The following GALNS variants were observed in gnomAD, a reference collection of about 807,000 sequenced individuals.
The protein encoded by GALNS is galactosamine (N-acetyl)-6-sulfatase.
In GALNS, 65 loss-of-function variants were observed where a neutral mutation model predicts 65.9. The observed-to-expected ratio is 0.99, with a 90% CI of 0.81 to 1.21. GALNS has a LOEUF of 1.21. Ranked by LOEUF, GALNS falls within the 50% of genes most tolerant of loss-of-function variation. The pLI is 0.00. For synonymous variants in GALNS, 346 were observed against 288.9 expected (o/e 1.20, Z -2.00); for missense variants, 776 against 700.7 (o/e 1.11, Z -1.21).
chr16:88,816,703 T>C, intron 13 of GALNS: 1 of 985,430 alleles, frequency 1.0e-6, no homozygotes, highest in Non-Finnish European at 1.2e-6. Context: ...GCTCCCTGGC[T>C]GTTCAGAGCC....
At chr16:88,854,010 T>A (rs1967636419) in intron 1 of GALNS, among the ~76,000 whole-genome samples, 1 of 152,172 alleles carries the variant, frequency 6.6e-6, no homozygotes, top group Admixed American at 6.5e-5. Flanking sequence ...GACAACCCTT[T>A]TCTGAAACTG....
At position 88,818,129 on chromosome 16, in the gene GALNS, G is replaced by A; in HGVS notation, c.1365-5C>T. On this transcript the variant is annotated splice_polypyrimidine_tract_variant and splice_region_variant and intron_variant, in intron 12 of 13. Transcript: ENST00000268695. The stretch of plus-strand genomic sequence containing the variant: ...TGGTACTCGGCGCTGGCAAAGCTGG[G>A]GACAGAGAGCTCTGGTCACACGGCT... 6.4e-7 allele frequency: 1 copy of A among 1,570,946 alleles called. No individual in the cohort carries two copies. The highest frequency in any genetic ancestry group is 1.2e-5 in the South Asian group (1 of 86,476).
At chr16:88,851,390 G>A (rs147668693) in intron 1 of GALNS, among the ~76,000 whole-genome samples, 4,796 of 152,174 alleles carry the variant, frequency 0.032, 101 homozygotes, top group Non-Finnish European at 0.052. Context: ...TGGGGATTCC[G>A]TTCCAACATG....
At chr16:88,839,649 G>A (rs1423272590) in intron 4 of GALNS, among the ~76,000 whole-genome samples, 2 of 152,226 alleles carry the variant, frequency 1.3e-5, no homozygotes, top group African/African-American at 4.8e-5. Flanking sequence ...CCCCCCACCT[G>A]ACTGAGCAGC....
chr16:88,829,332 C>G (rs71395331), intron 9 of GALNS, among the ~76,000 whole-genome samples: 5,550 of 152,292 alleles, frequency 0.036, 130 homozygotes, highest in Middle Eastern at 0.051. Flanking sequence ...TGCATTCTGT[C>G]CTAGGGGCAC....
intron 8 of GALNS, among the ~76,000 whole-genome samples, chr16:88,832,388 G>A (rs1311053729): frequency 6.6e-6 from 1 of 152,208 alleles, no homozygotes; most frequent in Non-Finnish European, 1.5e-5. Context: ...CCGCAGCAGA[G>A]GCCCTGGGTG....
chr16:88,837,656 T>C lies in GALNS; in HGVS notation c.532A>G (p.Ile178Val). 3.7e-6 allele frequency: 6 copies of C among 1,613,870 alleles called. No homozygotes were observed. Among genetic ancestry groups the C allele is most frequent in the African/African-American group, 1.3e-5 (1 of 75,020 alleles). ...ATCTCCCAGTCCCTGTACACAGGGA[T>C]GTTGGGCCTGGCCTTGTTGTCATAA... ...GPYDNKARPNIPVYRDWEMVG... is the reference protein window; with the variant it reads ...GPYDNKARPNVPVYRDWEMVG... The change falls in exon 5 of 14, where the codon ATC becomes GTC. Residue 178 changes from isoleucine to valine, a missense_variant. Coordinates refer to ENST00000268695, the MANE Select transcript of GALNS (RefSeq NM_000512.5).
In GALNS at chr16:88,840,841, C is replaced by T. The variant is rs371979562; in HGVS notation, c.422+151G>A. On this transcript the variant is annotated intron_variant, in intron 4 of 13. Coordinates refer to ENST00000268695, the MANE Select transcript of GALNS (RefSeq NM_000512.5). Reference sequence around the variant, plus strand: ...AAGGTCACGCTGGCCTGCACAGGGACGCTGGAGACACCTGAACACACCCAG... The same window carrying T: ...AAGGTCACGCTGGCCTGCACAGGGATGCTGGAGACACCTGAACACACCCAG... 108 of 707,064 alleles carry T rather than the reference C, an allele frequency of 1.5e-4. 1 individual carries two copies. Among genetic ancestry groups the T allele is most frequent in the East Asian group, 2.7e-4 (10 of 36,990 alleles). The allele number at this position is 707,064 out of a possible 1,614,324, so 43.8% of individuals were successfully genotyped here. A position where few individuals can be genotyped will look rare whatever the true frequency, so the allele number is the denominator to read the frequency against.
chr16:88,831,964 C>T, intron 9 of GALNS, 34 bp downstream of exon 9: 1 of 1,591,024 alleles, frequency 6.3e-7, no homozygotes, highest in Non-Finnish European at 8.6e-7. Context: ...AGGCCTGGAC[C>T]TGCTGCCCGG....
At chr16:88,819,842 C>T (rs915265103) in intron 12 of GALNS, among the ~76,000 whole-genome samples, 2 of 151,674 alleles carry the variant, frequency 1.3e-5, no homozygotes, top group African/African-American at 2.4e-5. Flanking sequence ...TACAGGCGCC[C>T]GCCACCACGC....
intron 6 of GALNS, 28 bp downstream of exon 6, chr16:88,836,173 A>T: frequency 6.3e-7 from 1 of 1,584,370 alleles, no homozygotes; most frequent in South Asian, 1.1e-5. Flanking sequence ...TGCGTCCCAC[A>T]GGGCGAGGAT....
intron 9 of GALNS, chr16:88,827,097 GA>G (rs1203795845): frequency 1.7e-6 from 1 of 579,972 alleles, no homozygotes; most frequent in Non-Finnish European, 3.1e-6. Flanking sequence ...TGGATCAGAT[GA>G]AAGGAGAATC....
rs886039377 is a variant in GALNS, at chr16:88,814,523, G to C, written c.1485C>G (p.Asn495Lys). The C allele has an allele frequency of 6.4e-6, 10 of 1,555,106 alleles. No individual in the cohort carries two copies. The highest frequency in any genetic ancestry group is 1.4e-5 in the African/African-American group (1 of 73,398). The change falls in exon 14 of 14, where the codon AAC (asparagine) becomes AAG (lysine). Residue 495 changes from asparagine (N) to lysine (K), a missense_variant and splice_region_variant. Transcript: ENST00000268695. ...ACTTTTCACAGCCCGGAGGTGCCCA[G>C]TTCTGGGAAATGAAAATTGAGAAAA... is the stretch of plus-strand genomic sequence containing the variant. ...QLNVCNWAVM[N>K]WAPPGCEKLG...
At chr16:88,830,552 A>AGACT (rs1234492065) in intron 9 of GALNS, among the ~76,000 whole-genome samples, 6 of 152,298 alleles carry the variant, frequency 3.9e-5, no homozygotes, top group African/African-American at 1.4e-4. Flanking sequence ...GGAGGGCAAA[A>AGACT]GACTAAGAAA....
intron 9 of GALNS, among the ~76,000 whole-genome samples, chr16:88,827,561 C>G (rs756417528): frequency 2.8e-4 from 42 of 152,218 alleles, no homozygotes; most frequent in Non-Finnish European, 3.4e-4. Context: ...ATTCTCCTGA[C>G]TCAGTCTCCC....
intron 13 of GALNS, chr16:88,815,027 T>G: frequency 3.0e-6 from 3 of 985,280 alleles, no homozygotes; most frequent in Non-Finnish European, 3.6e-6. Flanking sequence ...GCCACCGCGC[T>G]TGGCCTCGAG....
intron 1 of GALNS, among the ~76,000 whole-genome samples, chr16:88,853,899 C>T (rs1008995411): frequency 6.6e-6 from 1 of 152,232 alleles, no homozygotes; most frequent in African/African-American, 2.4e-5. Context: ...CCAGCTTCCC[C>T]TTCTGGTCCC....
intron 5 of GALNS, 34 bp from the exon 6 acceptor site, chr16:88,836,301 A>G (rs1160373984): frequency 6.4e-7 from 1 of 1,560,174 alleles, no homozygotes; most frequent in Non-Finnish European, 8.8e-7. Context: ...AGACTTCAGA[A>G]TTTAGGCCAA....
At chr16:88,852,020 A>G (rs1029331413) in intron 1 of GALNS, among the ~76,000 whole-genome samples, 2 of 152,234 alleles carry the variant, frequency 1.3e-5, no homozygotes, top group East Asian at 1.9e-4. Context: ...CTCCCGGCAC[A>G]GTGTTTGAGC....
Sources: allele counts gnomAD v4.1 joint callset (sites outside exome capture counted in the v4.1 genomes callset), GRCh38; gene constraint gnomAD v4.1.1; transcripts MANE v1.5; gene names NCBI Gene and HGNC (gene_info 2026-07-23, HGNC 2026-07-21).